SPINK2: variants seen among roughly 807,000 people sequenced by gnomAD.
SPINK2 encodes the protein serine protease inhibitor Kazal-type 2.
Under a neutral mutation model 13.5 loss-of-function variants are expected in SPINK2, and 8 were observed. The observed-to-expected ratio is 0.59, with a 90% CI of 0.35 to 1.07. The LOEUF (loss-of-function observed/expected upper bound fraction) is 1.07. Ranked by LOEUF, SPINK2 falls within the 50% of genes least tolerant of loss-of-function variation. The probability of loss-of-function intolerance (pLI) is 0.02; values close to 1 mark genes in which losing one functional copy is unlikely to be tolerated. For missense variants in SPINK2, 148 were observed against 180.3 expected (o/e 0.82, Z 1.03); for synonymous variants, 76 against 74.7 (o/e 1.02, Z -0.09).
chr4:56,813,312 A>G (rs1307577414), intron 2 of SPINK2, among the ~76,000 whole-genome samples: 1 of 152,176 alleles, frequency 6.6e-6, no homozygotes, highest in Non-Finnish European at 1.5e-5. Flanking sequence ...AACAACAGCG[A>G]AACTGTCTCA....
At chr4:56,811,904 T>C in intron 2 of SPINK2, 110 bp from the exon 3 acceptor site, 1 of 346,464 alleles carries the variant, frequency 2.9e-6, no homozygotes, top group Non-Finnish European at 5.0e-6. Flanking sequence ...AATCATTTAA[T>C]AAAAATATTT....
chr4:56,819,815 C>T (rs1717780007), intron 2 of SPINK2, among the ~76,000 whole-genome samples: 1 of 151,990 alleles, frequency 6.6e-6, no homozygotes, highest in Non-Finnish European at 1.5e-5. Context: ...CGGGGTTTCA[C>T]CATGTTAGCC....
At chr4:56,814,690 G>A (rs891451592) in intron 2 of SPINK2, among the ~76,000 whole-genome samples, 6 of 151,854 alleles carry the variant, frequency 4.0e-5, no homozygotes, top group East Asian at 1.9e-4. Flanking sequence ...GGCCAGGCGC[G>A]GTGGCTCATG....
intron 3 of SPINK2, 40 bp from the exon 4 acceptor site, chr4:56,810,224 C>T (rs1716866408): frequency 6.5e-7 from 1 of 1,541,000 alleles, no homozygotes; most frequent in African/African-American, 1.4e-5. Context: ...TTATTACCTA[C>T]CATACTGAAA....
chr4:56,817,803 A>G lies in SPINK2; in HGVS notation c.249+2733T>C, dbSNP rs149285875. Among the ~76,000 whole-genome samples the G allele has an allele frequency of 6.4e-3, 972 of 152,144 alleles. 13 individuals carry two copies. Among genetic ancestry groups the G allele is most frequent in the African/African-American group, 0.021 (888 of 41,500 alleles). On this transcript the variant is annotated intron_variant, in intron 2 of 3. Transcript: ENST00000506738. ...CAGCAGATGGAGGTTGCAGTGAGCCAAAATCGTGCCACTGCACTCCACCCT... is the reference window on the plus strand; with the variant it reads ...CAGCAGATGGAGGTTGCAGTGAGCCGAAATCGTGCCACTGCACTCCACCCT...
chr4:56,815,215 T>C (rs1164291473), intron 2 of SPINK2, among the ~76,000 whole-genome samples: 2 of 151,850 alleles, frequency 1.3e-5, no homozygotes, highest in Admixed American at 1.3e-4. Flanking sequence ...ATAAAAGGCA[T>C]CCATGAATAA....
At chr4:56,813,916 G>A (rs988245669) in intron 2 of SPINK2, among the ~76,000 whole-genome samples, 2 of 138,960 alleles carry the variant, frequency 1.4e-5, no homozygotes, top group African/African-American at 5.5e-5. Flanking sequence ...ACTGCACCTG[G>A]CCCTTTTTTT....
At chr4:56,810,440 T>C (rs548533345) in intron 3 of SPINK2, 65 of 439,476 alleles carry the variant, frequency 1.5e-4, no homozygotes, top group African/African-American at 9.1e-4. Context: ...TGGTGGCTCA[T>C]GCCTGTAATC....
intron 2 of SPINK2, among the ~76,000 whole-genome samples, chr4:56,819,906 C>A (rs375045447): frequency 6.6e-6 from 1 of 152,156 alleles, no homozygotes; most frequent in Non-Finnish European, 1.5e-5. Flanking sequence ...TGAGTCACTG[C>A]GCCCAGCTGC....
chr4:56,812,465 G>T (rs1717070622), intron 2 of SPINK2, among the ~76,000 whole-genome samples: 1 of 141,758 alleles, frequency 7.1e-6, no homozygotes, highest in Non-Finnish European at 1.5e-5. Flanking sequence ...TGAGGCAGGA[G>T]AATCGAATGA....
At chr4:56,821,347 G>A in intron 1 of SPINK2, 111 bp downstream of exon 1, 1 of 1,400,134 alleles carries the variant, frequency 7.1e-7, no homozygotes, top group East Asian at 2.8e-5. Flanking sequence ...CAGAGAAAGC[G>A]CTCTAGATGG....
intron 2 of SPINK2, among the ~76,000 whole-genome samples, chr4:56,816,339 G>A (rs1414087101): frequency 6.6e-6 from 1 of 151,918 alleles, no homozygotes; most frequent in Non-Finnish European, 1.5e-5. Context: ...TGGCCAACAT[G>A]GTGAAACCTT....
At chr4:56,821,134 C>T (rs1344108377) in intron 1 of SPINK2, among the ~76,000 whole-genome samples, 1 of 152,200 alleles carries the variant, frequency 6.6e-6, no homozygotes, top group East Asian at 1.9e-4. Flanking sequence ...TGTTATTTTC[C>T]TTTACAACTC....
At chr4:56,816,280 G>C (rs1004624766) in intron 2 of SPINK2, among the ~76,000 whole-genome samples, 5 of 152,136 alleles carry the variant, frequency 3.3e-5, no homozygotes, top group African/African-American at 1.2e-4. Context: ...GGCCAGGCAT[G>C]GTGGCTCACA....
rs373944682 is a variant in SPINK2 at position 56,810,087 on chromosome 4, T to C, written c.*52A>G. The C allele has an allele frequency of 1.9e-5, 30 of 1,565,056 alleles. No homozygotes were observed. The highest frequency in any genetic ancestry group is 2.6e-5 in the Non-Finnish European group (30 of 1,155,784). ...AGAAAAAGGGGAAATGCAATTTATCTAGTCTGCCAGTGAAGGTGGTCTCTC... is the reference window on the plus strand; with the variant it reads ...AGAAAAAGGGGAAATGCAATTTATCCAGTCTGCCAGTGAAGGTGGTCTCTC... On this transcript the variant is annotated 3_prime_UTR_variant, in exon 4 of 4. Transcript: ENST00000506738.
At chr4:56,818,117 A>C (rs1194727472) in intron 2 of SPINK2, 4 of 152,230 alleles carry the variant, frequency 2.6e-5, no homozygotes, top group African/African-American at 9.6e-5. Flanking sequence ...CCACTATGCT[A>C]ATCTAGGTAA....
At chr4:56,811,125 T>C (rs1490046117) in intron 3 of SPINK2, among the ~76,000 whole-genome samples, 1 of 152,192 alleles carries the variant, frequency 6.6e-6, no homozygotes, top group East Asian at 1.9e-4. Flanking sequence ...AATTTCACAT[T>C]TGTGGGCAAT....
At position 56,810,146 on chromosome 4, in the gene SPINK2, G is replaced by A. The variant is rs149887938; in HGVS notation, c.398C>T (p.Pro133Leu). 5.6e-6 allele frequency: 9 copies of A among 1,607,926 alleles called. No individual in the cohort carries two copies. The African/African-American group carries it at 1.2e-4, about 22-fold the overall frequency. ...TTTCTGTAAACTGCTCCATCAGCAGGGTCCATTTCGAATGATTTTAATATT... is the reference window on the plus strand; with the variant it reads ...TTTCTGTAAACTGCTCCATCAGCAGAGTCCATTTCGAATGATTTTAATATT... ...GHNIKIIRNG[P>L]C The change falls in exon 4 of 4, where the codon CCC (proline) becomes CTC (leucine). Residue 133 changes from proline (P) to leucine (L), a missense_variant. Coordinates refer to ENST00000506738, the MANE Select transcript of SPINK2 (RefSeq NM_001271718.2).
At chr4:56,819,058 C>T (rs116729832) in intron 2 of SPINK2, among the ~76,000 whole-genome samples, 171 of 152,112 alleles carry the variant, frequency 1.1e-3, no homozygotes, top group African/African-American at 4.0e-3. Flanking sequence ...TGACCTTGGC[C>T]AAGGGGATAA....
Sources: gnomAD v4.1 joint callset for allele counts (sites outside exome capture counted in the v4.1 genomes callset) on GRCh38, gnomAD v4.1.1 for gene constraint, MANE v1.5 for transcripts, NCBI Gene and HGNC (gene_info 2026-07-23, HGNC 2026-07-21) for gene names.